PRRC2B: variants seen among roughly 807,000 people sequenced by gnomAD.
PRRC2B encodes the protein proline rich coiled-coil 2B, also known as protein PRRC2B.
PRRC2B carries 68 observed loss-of-function variants against 242.3 expected under a neutral mutation model. That is an observed-to-expected ratio of 0.28 (90% confidence interval 0.23 to 0.34). The LOEUF (loss-of-function observed/expected upper bound fraction) is 0.34, where lower values mean the gene tolerates loss of function less well. Among genes scored for constraint, PRRC2B ranks in the 10% least tolerant of loss-of-function variants. PRRC2B has a pLI of 1.00. For missense variants in PRRC2B, 2,835 were observed against 2,954.8 expected (o/e 0.96, Z 0.94); for synonymous variants, 1,228 against 1,173.6 (o/e 1.05, Z -0.95).
intron 19 of PRRC2B, among the ~76,000 whole-genome samples, chr9:131,479,939 T>G (rs1436035421): frequency 6.6e-6 from 1 of 152,190 alleles, no homozygotes; most frequent in Non-Finnish European, 1.5e-5. Flanking sequence ...TAATTCTATA[T>G]CAAATGTAAT....
At chr9:131,402,562 G>T (rs1837254639) in intron 1 of PRRC2B, among the ~76,000 whole-genome samples, 1 of 152,146 alleles carries the variant, frequency 6.6e-6, no homozygotes, top group African/African-American at 2.4e-5. Context: ...CCAGTGGAGT[G>T]AGTAAATGCA....
At chr9:131,466,943 AGGT>A (rs1184797710) in intron 12 of PRRC2B, among the ~76,000 whole-genome samples, 15 of 152,174 alleles carry the variant, frequency 9.9e-5, no homozygotes, top group Admixed American at 9.8e-4. Flanking sequence ...CTGGGACTAC[AGGT>A]GCCCGCCACC....
chr9:131,432,894 A>G, intron 3 of PRRC2B, 100 bp downstream of exon 3: 2 of 1,221,402 alleles, frequency 1.6e-6, no homozygotes, highest in Non-Finnish European at 2.3e-6. Context: ...TGGCTACTGC[A>G]GCGCTAGTCT....
chr9:131,402,819 C>T (rs552653841), intron 1 of PRRC2B, among the ~76,000 whole-genome samples: 1 of 152,282 alleles, frequency 6.6e-6, no homozygotes, highest in East Asian at 1.9e-4. Context: ...CAGAAGAGAA[C>T]TTGTGGGTCA....
intron 1 of PRRC2B, among the ~76,000 whole-genome samples, chr9:131,425,067 A>C (rs1428490089): frequency 6.6e-6 from 1 of 151,934 alleles, no homozygotes; most frequent in Admixed American, 6.6e-5. Context: ...CCTGGGTTCA[A>C]GTGATTCTGC....
At chr9:131,477,470 C>A (rs1219501374) in intron 16 of PRRC2B, among the ~76,000 whole-genome samples, 1 of 152,164 alleles carries the variant, frequency 6.6e-6, no homozygotes, top group Non-Finnish European at 1.5e-5. Context: ...CCCCTTGTCT[C>A]TCTCCCCCCT....
Position 131,475,228 on chromosome 9 carries a change from A to C in PRRC2B, c.3099A>C (p.Arg1033Ser). ...EEKPDKAWEA[R>S]PPRESSDVPP... ...AACCTGACAAGGCCTGGGAAGCCAG[A>C]CCCCCACGAGAGTCCAGCGATGTTC... The change falls in exon 16 of 32, where the codon AGA (arginine) becomes AGC (serine). Residue 1033 changes from arginine (R) to serine (S), a missense_variant. Physicochemically the swap from Arg to Ser is moderately radical, Grantham distance 110. Coordinates refer to ENST00000683519, the MANE Select transcript of PRRC2B (RefSeq NM_013318.4). 6.2e-7 allele frequency: 1 copy of C among 1,613,728 alleles called. No individual in the cohort carries two copies.
chr9:131,454,250 CTG>C (rs748516340), intron 9 of PRRC2B, among the ~76,000 whole-genome samples: 2 of 152,236 alleles, frequency 1.3e-5, no homozygotes, highest in Non-Finnish European at 2.9e-5. Flanking sequence ...ACCTACCACA[CTG>C]TGTTCACACA....
Position 131,482,249 on chromosome 9 carries a change from G to A in PRRC2B, c.4984-122G>A. ...CCTCAGCAGGGCAGGATCAAGATCA[G>A]GACCAGACTTGGCAAGGGACAGGCA... is the stretch of plus-strand genomic sequence containing the variant. On this transcript the variant is annotated intron_variant, in intron 20 of 31. Coordinates refer to ENST00000683519, the MANE Select transcript of PRRC2B (RefSeq NM_013318.4). The surrounding 1 kb of genome is among the most constrained non-coding windows in gnomAD (Gnocchi z 5.2). The A allele has an allele frequency of 9.0e-7, 1 of 1,113,396 alleles. No homozygotes were observed. Among genetic ancestry groups the A allele is most frequent in the East Asian group, 2.4e-5 (1 of 41,576 alleles). The allele number at this position is 1,113,396 out of a possible 1,614,324, so 69.0% of individuals were successfully genotyped here.
At chr9:131,420,966 C>T (rs562692767) in intron 1 of PRRC2B, among the ~76,000 whole-genome samples, 1 of 152,292 alleles carries the variant, frequency 6.6e-6, no homozygotes, top group East Asian at 1.9e-4. Context: ...CCATACTTTA[C>T]CCTCTGAACC....
upstream of PRRC2B, among the ~76,000 whole-genome samples, chr9:131,391,735 A>G (rs1374032817): frequency 6.6e-6 from 1 of 152,134 alleles, no homozygotes; most frequent in East Asian, 1.9e-4. Flanking sequence ...GTTACTGTTC[A>G]GCCTCCTCCT....
At chr9:131,454,962 T>G (rs112882060) in intron 9 of PRRC2B, 114 bp from the exon 10 acceptor site, 76,619 of 723,350 alleles carry the variant, frequency 0.11, 5,294 homozygotes, top group Non-Finnish European at 0.12. Flanking sequence ...GTCCTCATGA[T>G]CCGCCCACCT....
chr9:131,382,476 C>T (rs1245808943), intron 1 of PRRC2B, among the ~76,000 whole-genome samples: 2 of 152,146 alleles, frequency 1.3e-5, no homozygotes, highest in African/African-American at 2.4e-5. Context: ...CCCAGGGAAC[C>T]CCTGTGTTGT....
chr9:131,487,911 G>A lies in PRRC2B; in HGVS notation c.6040G>A (p.Gly2014Arg). The change falls in exon 28 of 32, where the codon GGG (glycine) becomes AGG (arginine). Residue 2014 changes from glycine to arginine, a missense_variant. Coordinates refer to ENST00000683519, the MANE Select transcript of PRRC2B (RefSeq NM_013318.4). The surrounding 1 kb of genome is among the most constrained non-coding windows in gnomAD (Gnocchi z 5.3). Reference sequence around the variant, plus strand: ...ACCGCCCAGCACCATGATCCTCTCTGGGGGCACAGCCTTGAAGCCTCCATA... The same window carrying A: ...ACCGCCCAGCACCATGATCCTCTCTAGGGGCACAGCCTTGAAGCCTCCATA... ...LSPPSTMILS[G>R]GTALKPPYSA... 3.7e-6 allele frequency: 6 copies of A among 1,613,870 alleles called. No individual in the cohort carries two copies. Among genetic ancestry groups the A allele is most frequent in the Non-Finnish European group, 5.1e-6 (6 of 1,179,780 alleles).
At chr9:131,451,259 C>T (rs540051949) in intron 9 of PRRC2B, among the ~76,000 whole-genome samples, 92 of 152,172 alleles carry the variant, frequency 6.0e-4, no homozygotes, top group African/African-American at 1.9e-3. Context: ...ATTAGCCGGG[C>T]GTGTTGGCAC....
rs1944426762 is a variant in PRRC2B at position 131,500,160 on chromosome 9, T to C, written c.*4286T>C. On this transcript the variant is annotated 3_prime_UTR_variant, in exon 32 of 32. Transcript: ENST00000683519. Reference sequence around the variant, plus strand: ...TACTAGCTCTTTCCATATGAAAGAATTCTCCTTATTTAAATAAAAAAAGTT... The same window carrying C: ...TACTAGCTCTTTCCATATGAAAGAACTCTCCTTATTTAAATAAAAAAAGTT... 1 of 152,212 alleles carries C rather than the reference T, an allele frequency of 6.6e-6. No individual in the cohort carries two copies. Among genetic ancestry groups the C allele is most frequent in the Admixed American group, 6.5e-5 (1 of 15,290 alleles). 9.4% of individuals were successfully genotyped at this position (152,212 alleles called of 1,614,324 possible).
chr9:131,486,816 G>C (rs567334695), intron 26 of PRRC2B, among the ~76,000 whole-genome samples: 192 of 152,334 alleles, frequency 1.3e-3, no homozygotes, highest in African/African-American at 4.5e-3. Flanking sequence ...TGGTTACCAA[G>C]ATTTTGGTTC....
chr9:131,456,380 C>T (rs1360991496), intron 10 of PRRC2B, among the ~76,000 whole-genome samples: 5 of 151,876 alleles, frequency 3.3e-5, no homozygotes, highest in African/African-American at 4.8e-5. Context: ...GCCTGTAATC[C>T]TAGCACTTTG....
intron 10 of PRRC2B, among the ~76,000 whole-genome samples, chr9:131,458,586 C>T (rs1943151463): frequency 6.6e-6 from 1 of 151,938 alleles, no homozygotes; most frequent in African/African-American, 2.4e-5. Flanking sequence ...CTCACTGCAA[C>T]CTTCACCTCT....
Sources: allele counts gnomAD v4.1 joint callset (sites outside exome capture counted in the v4.1 genomes callset), GRCh38; gene constraint gnomAD v4.1.1; non-coding constraint Gnocchi (gnomAD v3.1); transcripts MANE v1.5; gene names NCBI Gene and HGNC (gene_info 2026-07-23, HGNC 2026-07-21).